Variants in DST observed in about 807,000 individuals in gnomAD.
DST encodes the protein dystonin.
DST carries 253 observed loss-of-function variants against 875.2 expected under a neutral mutation model. That is an observed-to-expected ratio of 0.29 (90% confidence interval 0.26 to 0.32). The LOEUF (loss-of-function observed/expected upper bound fraction) is 0.32, where lower values mean the gene tolerates loss of function less well. DST is among the 10% of genes least tolerant of loss of function. DST has a pLI of 1.00. For synonymous variants in DST, 3,124 were observed against 3,197.1 expected, an observed-to-expected ratio of 0.98 and a Z score of 0.77; for missense variants, 8,287 against 9,111.6, an observed-to-expected ratio of 0.91 and a Z score of 3.68.
intron 37 of DST, 39 bp downstream of exon 37, chr6:56,614,317 C>T (rs201696898): frequency 2.2e-5 from 34 of 1,541,250 alleles, no homozygotes; most frequent in Non-Finnish European, 2.7e-5. Context: ...AACGTCCCTG[C>T]TATTATTATT....
At chr6:56,793,463 C>T (rs1398284159) in intron 4 of DST, among the ~76,000 whole-genome samples, 1 of 152,180 alleles carries the variant, frequency 6.6e-6, no homozygotes, top group Non-Finnish European at 1.5e-5. Flanking sequence ...ATTCTTTCAA[C>T]TTTTCTGTAG....
At chr6:56,786,260 C>T (rs182427041) in intron 4 of DST, among the ~76,000 whole-genome samples, 1 of 152,300 alleles carries the variant, frequency 6.6e-6, no homozygotes, top group Admixed American at 6.5e-5. Context: ...GTCTTTATTG[C>T]TTTCAGGTTC....
rs756527781 is a variant in DST at position 56,560,374 on chromosome 6, T to G, written c.14360A>C (p.Lys4787Thr). The G allele has an allele frequency of 8.7e-6, 14 of 1,607,346 alleles. No individual in the cohort carries two copies. The highest frequency in any genetic ancestry group is 6.0e-6 in the Non-Finnish European group (7 of 1,176,228). The change falls in exon 58 of 104, where the codon AAA becomes ACA. Residue 4787 changes from lysine (K) to threonine (T), a missense_variant. Lys to Thr is a moderately conservative substitution (Grantham distance 78, BLOSUM62 -1). Coordinates refer to ENST00000680361, the MANE Select transcript of DST (RefSeq NM_001374736.1). ...KQNVNKVQEL[K>T]DKLTELLEEN... Reference sequence around the variant, plus strand: ...CTCCAACAGCTCTGTCAATTTGTCTTTCAACTCCTGTACTTTGTTTACATT... The same window carrying G: ...CTCCAACAGCTCTGTCAATTTGTCTGTCAACTCCTGTACTTTGTTTACATT...
chr6:56,566,909 A>G (rs1231843616), intron 55 of DST, among the ~76,000 whole-genome samples: 1 of 152,202 alleles, frequency 6.6e-6, no homozygotes, highest in African/African-American at 2.4e-5. Flanking sequence ...TTAAACTCAT[A>G]TTACGTCAAC....
intron 50 of DST, among the ~76,000 whole-genome samples, chr6:56,574,636 T>A (rs1307254842): frequency 6.6e-6 from 1 of 151,988 alleles, no homozygotes; most frequent in African/African-American, 2.4e-5. Flanking sequence ...TTCTAAAGAT[T>A]CAAGATGCTA....
intron 77 of DST, among the ~76,000 whole-genome samples, chr6:56,504,992 T>A (rs9475709): frequency 8.6e-5 from 13 of 152,038 alleles, no homozygotes; most frequent in Non-Finnish European, 1.8e-4. Context: ...CCCAAAGCAC[T>A]GGGATATTTT....
intron 4 of DST, among the ~76,000 whole-genome samples, chr6:56,764,881 C>T (rs751748554): frequency 4.0e-5 from 6 of 149,738 alleles, no homozygotes; most frequent in Non-Finnish European, 8.9e-5. Context: ...TGCTTGAACA[C>T]GGGAGGCAGA....
rs747516436 is a variant in DST at position 56,605,960 on chromosome 6, T to G, written c.8668A>C (p.Thr2890Pro). 6.2e-7 allele frequency: 1 copy of G among 1,612,730 alleles called. No individual in the cohort carries two copies. The highest frequency in any genetic ancestry group is 1.7e-5 in the Admixed American group (1 of 59,860). Residue 2890 changes from threonine (T) to proline (P), a missense_variant, in exon 40 of 104, where the codon ACT (threonine) becomes CCT (proline). By Grantham distance (38) the Thr-to-Pro change is conservative. Around this residue, in one of 10 missense-constraint regions of DST, gnomAD observed 3,138 missense variants for 3,116.6 expected, o/e 1.01. Transcript: ENST00000680361. Reference sequence around the variant, plus strand: ...TATTCTGGAAGGTTGCTTTTTTCAGTAACTAAGTTATTTTCACTAGGTGAT... The same window carrying G: ...TATTCTGGAAGGTTGCTTTTTTCAGGAACTAAGTTATTTTCACTAGGTGAT... ...LASPSENNLV[T>P]EKSNLPEYTT...
chr6:56,755,134 A>C lies in DST; in HGVS notation c.626-19845T>G, dbSNP rs530932453. Among the ~76,000 whole-genome samples the C allele has an allele frequency of 1.3e-4, 13 of 101,976 alleles. 1 individual carries two copies. In the East Asian group the frequency reaches 2.3e-3, roughly 18 times the overall value. 66.9% of individuals were successfully genotyped at this position (101,976 alleles called of 152,430 possible). Reference sequence around the variant, plus strand: ...TCATTTCAAATCTAATGAAGAAAATAAAAAAAAAAAAAACAAGACATTAGA... The same window carrying C: ...TCATTTCAAATCTAATGAAGAAAATCAAAAAAAAAAAAACAAGACATTAGA... On this transcript the variant is annotated intron_variant, in intron 4 of 103. Coordinates refer to ENST00000680361, the MANE Select transcript of DST (RefSeq NM_001374736.1).
intron 9 of DST, among the ~76,000 whole-genome samples, chr6:56,697,521 T>C (rs1441074694): frequency 6.6e-6 from 1 of 151,922 alleles, no homozygotes; most frequent in African/African-American, 2.4e-5. Flanking sequence ...GGACAGAAAA[T>C]GGAAAGTGAT....
intron 4 of DST, among the ~76,000 whole-genome samples, chr6:56,822,361 G>A (rs1349276313): frequency 2.6e-5 from 4 of 152,168 alleles, no homozygotes; most frequent in Non-Finnish European, 4.4e-5. Context: ...GGGAGGGGAT[G>A]GGACGCAGGG....
chr6:56,658,074 T>C (rs553558071), intron 10 of DST, among the ~76,000 whole-genome samples: 1 of 151,716 alleles, frequency 6.6e-6, no homozygotes, highest in African/African-American at 2.4e-5. Context: ...CCGTAATTCT[T>C]TTTTTTTGAC....
At position 56,640,196 on chromosome 6, in the gene DST, C is replaced by T; in HGVS notation, c.2437G>A (p.Glu813Lys). ...SLLDQNLTEE[E>K]INMKFVQDLL... ...TCCTGAACAAATTTCATATTGATTT[C>T]TTCTTCTGTTAAATTTTGATCCAGC... Residue 813 changes from glutamate (E) to lysine (K), a missense_variant, in exon 18 of 104, where the codon GAA becomes AAA. Glu to Lys is a moderately conservative substitution (Grantham distance 56). Coordinates refer to ENST00000680361, the MANE Select transcript of DST (RefSeq NM_001374736.1). 2 of 1,614,116 alleles carry T rather than the reference C, an allele frequency of 1.2e-6. No individual in the cohort carries two copies. The highest frequency in any genetic ancestry group is 1.7e-6 in the Non-Finnish European group (2 of 1,179,994).
chr6:56,639,406 C>T, intron 21 of DST, 43 bp from the exon 22 acceptor site: 1 of 1,613,076 alleles, frequency 6.2e-7, no homozygotes, highest in Non-Finnish European at 8.5e-7. Context: ...AATATATAAA[C>T]CTAAAATGCA....
intron 4 of DST, among the ~76,000 whole-genome samples, chr6:56,737,866 G>A (rs995348488): frequency 2.0e-5 from 3 of 152,122 alleles, no homozygotes; most frequent in Non-Finnish European, 4.4e-5. Flanking sequence ...ATGTAACTAT[G>A]AGAATATAAA....
In DST at chr6:56,712,088, C is replaced by T. The variant is rs1423768958; in HGVS notation, c.688-7719G>A. 1.5e-3 allele frequency among the ~76,000 whole-genome samples: 141 copies of T among 92,404 alleles called. 1 individual carries two copies. The highest frequency in any genetic ancestry group is 6.0e-3 in the African/African-American group (138 of 23,080). 60.6% of individuals were successfully genotyped at this position (92,404 alleles called of 152,430 possible). A position where few individuals can be genotyped will look rare whatever the true frequency, so the allele number is the denominator to read the frequency against. Reference sequence around the variant, plus strand: ...CCTGGGCGACAGAGCGAGACTCCGTCTCAAAAAAAAAAAAAAAATAGGAGG... The same window carrying T: ...CCTGGGCGACAGAGCGAGACTCCGTTTCAAAAAAAAAAAAAAAATAGGAGG... On this transcript the variant is annotated intron_variant, in intron 5 of 103. Transcript: ENST00000680361.
chr6:56,824,328 T>C (rs561505167), intron 4 of DST, among the ~76,000 whole-genome samples: 1 of 152,196 alleles, frequency 6.6e-6, no homozygotes, highest in African/African-American at 2.4e-5. Context: ...GTACCCAGGC[T>C]GGAATGCAGT....
chr6:56,683,455 C>T (rs1336497302), intron 9 of DST, among the ~76,000 whole-genome samples: 1 of 152,166 alleles, frequency 6.6e-6, no homozygotes, highest in African/African-American at 2.4e-5. Context: ...CTCCTCTTCT[C>T]TCCTATGATC....
chr6:56,898,340 T>G (rs986781765), intron 3 of DST, among the ~76,000 whole-genome samples: 1 of 152,192 alleles, frequency 6.6e-6, no homozygotes, highest in African/African-American at 2.4e-5. Flanking sequence ...AAGGGCAAAG[T>G]AGACAGCAGG....
Sources: allele counts gnomAD v4.1 joint callset (sites outside exome capture counted in the v4.1 genomes callset), GRCh38; gene constraint gnomAD v4.1.1; regional missense constraint gnomAD v4.1.1; transcripts MANE v1.5; gene names NCBI Gene and HGNC (gene_info 2026-07-23, HGNC 2026-07-21).